Variants in PHKA2 observed in about 807,000 individuals in gnomAD.
The protein encoded by PHKA2 is phosphorylase kinase regulatory subunit alpha 2, also known as phosphorylase b kinase regulatory subunit alpha, liver isoform.
Under a neutral mutation model 102.0 loss-of-function variants are expected in PHKA2, and 31 were observed. The observed-to-expected ratio is 0.30, with a 90% confidence interval of 0.23 to 0.41. The LOEUF is 0.41. Among genes scored for constraint, PHKA2 ranks in the 10% least tolerant of loss-of-function variants. The probability of loss-of-function intolerance (pLI) is 1.00; values close to 1 mark genes in which losing one functional copy is unlikely to be tolerated. For missense variants in PHKA2, 858 were observed against 1,023.1 expected, an observed-to-expected ratio of 0.84 and a Z score of 2.20; for synonymous variants, 455 against 416.2, an observed-to-expected ratio of 1.09 and a Z score of -1.13.
At chrX:18,939,114 G>A (rs1182508178) in intron 9 of PHKA2, among the ~76,000 whole-genome samples, 3 of 112,291 alleles carry the variant, frequency 2.7e-5, no homozygotes, top group Non-Finnish European at 3.8e-5. Context: ...AGAAAAATGT[G>A]TGAGCCACAG....
chrX:18,938,628 T>C lies in PHKA2; in HGVS notation c.1040A>G (p.Gln347Arg), dbSNP rs2048434615. ...ACGTAACACCCAGCATTTTCTCACC[T>C]GAACAGCATCACCACTGAAGACTCC... ...IDGVFSGDAVQVQEYREALEG... is the reference protein window; with the variant it reads ...IDGVFSGDAVRVQEYREALEG... Residue 347 changes from glutamine to arginine, a missense_variant and splice_region_variant, in exon 10 of 33, where the codon CAG becomes CGG. By Grantham distance (43) the Gln-to-Arg change is conservative. This residue lies in a region of PHKA2 where 671 missense variants were observed against 745.2 expected (regional missense o/e 0.90). Transcript: ENST00000379942. 1 of 1,205,014 alleles carries C rather than the reference T, an allele frequency of 8.3e-7. No individual in the cohort carries two copies. Among genetic ancestry groups the C allele is most frequent in the Non-Finnish European group, 1.1e-6 (1 of 889,025 alleles).
chrX:18,895,561 G>A (rs2047531541), intron 30 of PHKA2: 1 of 242,080 alleles, frequency 4.1e-6, no homozygotes, highest in Admixed American at 5.8e-5. Flanking sequence ...GGGAAGGGAT[G>A]CTTCTGTGCC....
At chrX:18,936,703 A>G (rs2147948233) in intron 10 of PHKA2, among the ~76,000 whole-genome samples, 1 of 112,409 alleles carries the variant, frequency 8.9e-6, no homozygotes, top group South Asian at 3.7e-4. Flanking sequence ...TTGTAGTAAC[A>G]TGGATGGAAT....
intron 17 of PHKA2, 42 bp from the exon 18 acceptor site, chrX:18,920,243 G>A: frequency 1.5e-6 from 1 of 649,580 alleles, no homozygotes; most frequent in African/African-American, 2.1e-5. Context: ...GTAGTGTGTG[G>A]ATAACCTTCC....
Position 18,921,741 on chromosome X carries a change from C to T in PHKA2, c.1794-1540G>A, listed in dbSNP as rs756908178. On this transcript the variant is annotated intron_variant, in intron 17 of 32. Coordinates refer to ENST00000379942, the MANE Select transcript of PHKA2 (RefSeq NM_000292.3). ...GCCCTCATCCAGCTCAGCACCAGGG[C>T]TTAGAGGCCGGGTTCTGGGTTCACA... is the stretch of plus-strand genomic sequence containing the variant. Among the ~76,000 whole-genome samples, 30 of 111,168 alleles carry T rather than the reference C, an allele frequency of 2.7e-4. No homozygotes were observed. The South Asian group carries it at 0.011, about 41-fold the overall frequency.
chrX:18,893,114 C>CTA lies in PHKA2; in HGVS notation c.*369_*370dup. 1 of 256,333 alleles carries CTA rather than the reference C, an allele frequency of 3.9e-6. No individual in the cohort carries two copies. Among genetic ancestry groups the CTA allele is most frequent in the East Asian group, 9.0e-5 (1 of 11,173 alleles). 21.1% of individuals were successfully genotyped at this position (256,333 alleles called of 1,213,427 possible). A position where few individuals can be genotyped will look rare whatever the true frequency, so the allele number is the denominator to read the frequency against. Reference sequence around the variant, plus strand: ...AGGATGTGTCACTAGCTCATCGAAACTATTTCTGTAACTCTCTGCAAGAGC... The same window carrying CTA: ...AGGATGTGTCACTAGCTCATCGAAACTATATTTCTGTAACTCTCTGCAAGAGC... On this transcript the variant is annotated 3_prime_UTR_variant, in exon 33 of 33. Coordinates refer to ENST00000379942, the MANE Select transcript of PHKA2 (RefSeq NM_000292.3).
chrX:18,899,960 G>A (rs1308358367), intron 28 of PHKA2, among the ~76,000 whole-genome samples: 1 of 111,810 alleles, frequency 8.9e-6, no homozygotes, highest in East Asian at 2.8e-4. Context: ...AAATAGAGGC[G>A]GAAGGAACCA....
intron 8 of PHKA2, among the ~76,000 whole-genome samples, chrX:18,941,194 GAT>G (rs2048484299): frequency 8.9e-6 from 1 of 111,736 alleles, no homozygotes; most frequent in Non-Finnish European, 1.9e-5. Context: ...AAAGTTTGAG[GAT>G]ATTGGGACAT....
Position 18,915,423 on chromosome X carries a change from G to C in PHKA2, c.2137+3258C>G, listed in dbSNP as rs772341734. ...GTCTCGCTCTGTCACCCAGGCTGGA[G>C]TGCAGTGGCATGATCATGGCTCACT... On this transcript the variant is annotated intron_variant, in intron 19 of 32. Transcript: ENST00000379942. 1.0e-3 allele frequency: 114 copies of C among 109,356 alleles called. 1 individual carries two copies. Among genetic ancestry groups the C allele is most frequent in the African/African-American group, 3.7e-3 (110 of 30,132 alleles). 9.0% of individuals were successfully genotyped at this position (109,356 alleles called of 1,213,427 possible). A position where few individuals can be genotyped will look rare whatever the true frequency, so the allele number is the denominator to read the frequency against.
At chrX:18,927,391 G>C (rs1856996779) in intron 13 of PHKA2, among the ~76,000 whole-genome samples, 1 of 112,282 alleles carries the variant, frequency 8.9e-6, no homozygotes, top group South Asian at 3.7e-4. Flanking sequence ...CAAAGGGAAG[G>C]AGTACAGGGA....
At position 18,963,069 on chromosome X, in the gene PHKA2, GC is replaced by G. The variant is rs1404798158; in HGVS notation, c.79-8658del. 4.4e-5 allele frequency among the ~76,000 whole-genome samples: 5 copies of G among 112,631 alleles called. No individual in the cohort carries two copies. In the Admixed American group the frequency reaches 4.7e-4, roughly 11 times the overall value. The stretch of plus-strand genomic sequence containing the variant: ...ATTTCAACTCAGGGTGTCCCCTTGG[GC>G]CCTTCGTTTCGTCCCTGTCCTGATG... On this transcript the variant is annotated intron_variant, in intron 1 of 32. Transcript: ENST00000379942.
chrX:18,974,560 A>G (rs2049059718), intron 1 of PHKA2, among the ~76,000 whole-genome samples: 1 of 111,629 alleles, frequency 9.0e-6, no homozygotes, highest in African/African-American at 3.3e-5. Context: ...GGGGGCCTAA[A>G]CAACAGAAAT....
intron 1 of PHKA2, among the ~76,000 whole-genome samples, chrX:18,983,594 G>A (rs954900957): frequency 8.9e-6 from 1 of 112,249 alleles, no homozygotes; most frequent in Admixed American, 9.4e-5. Flanking sequence ...GTTTGGACCC[G>A]GGCACGGAGG....
In PHKA2 at chrX:18,941,646, C is replaced by T. The variant is rs747132638; in HGVS notation, c.747G>A (p.Ala249=). 1.0e-5 allele frequency: 12 copies of T among 1,170,787 alleles called. No individual in the cohort carries two copies. The highest frequency in any genetic ancestry group is 3.6e-5 in the South Asian group (2 of 56,048). ...CAGCATCAATTTCTTTAGATGTCGA[C>T]GCTCTTGGCAGCATGGAGAACAGAA... ...QSILFSMLPR[A]STSKEIDAGL... The change falls in exon 8 of 33, where the codon GCG becomes GCA. Residue 249 remains alanine, a synonymous_variant. Coordinates refer to ENST00000379942, the MANE Select transcript of PHKA2 (RefSeq NM_000292.3).
intron 11 of PHKA2, 60 bp from the exon 12 acceptor site, chrX:18,931,808 G>A (rs1250426506): frequency 2.7e-6 from 2 of 749,902 alleles, no homozygotes; most frequent in South Asian, 4.2e-5. Context: ...CATGATACCT[G>A]ACCATGGGGA....
At chrX:18,948,886 T>C in intron 4 of PHKA2, 60 bp from the exon 5 acceptor site, 1 of 749,044 alleles carries the variant, frequency 1.3e-6, no homozygotes, top group Non-Finnish European at 2.1e-6. Flanking sequence ...CAGTCACAAA[T>C]TACAAATATC....
chrX:18,963,270 G>C (rs2048894856), intron 1 of PHKA2, among the ~76,000 whole-genome samples: 1 of 112,306 alleles, frequency 8.9e-6, no homozygotes, highest in African/African-American at 3.2e-5. Flanking sequence ...TTGAGAGATG[G>C]GCAGACAACC....
At chrX:18,942,203 T>A (rs750181414) in intron 7 of PHKA2, among the ~76,000 whole-genome samples, 45 of 112,167 alleles carry the variant, frequency 4.0e-4, no homozygotes, top group Non-Finnish European at 7.9e-4. Context: ...AGTTTAGTCC[T>A]AGAATCTTTC....
In PHKA2 at chrX:18,901,255, G is replaced by A. The variant is rs372870591; in HGVS notation, c.3027+230C>T. Among the ~76,000 whole-genome samples the A allele has an allele frequency of 4.9e-4, 54 of 111,183 alleles. 1 individual carries two copies. The highest frequency in any genetic ancestry group is 1.7e-3 in the African/African-American group (51 of 30,590). Reference sequence around the variant, plus strand: ...CATGGACAAGGGTATTTTCTGGAACGTTCATGAGAACATCACGTTAAGGTT... The same window carrying A: ...CATGGACAAGGGTATTTTCTGGAACATTCATGAGAACATCACGTTAAGGTT... On this transcript the variant is annotated intron_variant, in intron 27 of 32. Transcript: ENST00000379942.
Sources: allele counts gnomAD v4.1 joint callset (sites outside exome capture counted in the v4.1 genomes callset), GRCh38; gene constraint gnomAD v4.1.1; regional missense constraint gnomAD v4.1.1; transcripts MANE v1.5; gene names NCBI Gene and HGNC (gene_info 2026-07-23, HGNC 2026-07-21).